Variants in TIMM17A observed in about 807,000 individuals in gnomAD.
TIMM17A encodes mitochondrial import inner membrane translocase subunit Tim17-A.
A neutral mutation model predicts 26.5 loss-of-function variants in TIMM17A; 15 were observed. The observed-to-expected ratio is 0.57, with a 90% CI of 0.38 to 0.87. The LOEUF (loss-of-function observed/expected upper bound fraction) is 0.87. Among genes scored for constraint, TIMM17A ranks in the 40% least tolerant of loss-of-function variants. The probability of loss-of-function intolerance (pLI) is 0.00; values close to 1 mark genes in which losing one functional copy is unlikely to be tolerated. For missense variants in TIMM17A, 201 were observed against 210.0 expected (o/e 0.96, Z 0.27); for synonymous variants, 80 against 70.8 (o/e 1.13, Z -0.66).
In TIMM17A at chr1:201,957,271, C is replaced by A. The variant is rs577624272; in HGVS notation, c.27-10C>A. The A allele has an allele frequency of 2.0e-4, 315 of 1,563,252 alleles. 4 individuals carry two copies. The South Asian group carries it at 3.5e-3, about 17-fold the overall frequency. ...GAGAAATATGGTCTTTTTTTTCCCCCTGTTCTTAGCCCATGGCGAATTGTG... is the reference window on the plus strand; with the variant it reads ...GAGAAATATGGTCTTTTTTTTCCCCATGTTCTTAGCCCATGGCGAATTGTG... On this transcript the variant is annotated splice_polypyrimidine_tract_variant and intron_variant, in intron 1 of 5. Transcript: ENST00000367287.
At chr1:201,957,634 A>G (rs1682440180) in intron 3 of TIMM17A, 60 bp downstream of exon 3, 2 of 1,388,372 alleles carry the variant, frequency 1.4e-6, no homozygotes, top group Admixed American at 1.9e-5. Flanking sequence ...AGATGGAGCT[A>G]TTTTTATTTT....
At chr1:201,967,587 G>A (rs1051667808) in intron 5 of TIMM17A, among the ~76,000 whole-genome samples, 6 of 147,468 alleles carry the variant, frequency 4.1e-5, no homozygotes, top group Non-Finnish European at 7.4e-5. Flanking sequence ...CTGTGACCCC[G>A]GCTGGAGTGC....
At chr1:201,968,665 C>T (rs1682680182) in intron 5 of TIMM17A, among the ~76,000 whole-genome samples, 1 of 152,140 alleles carries the variant, frequency 6.6e-6, no homozygotes, top group Non-Finnish European at 1.5e-5. Flanking sequence ...AGAGCCACCG[C>T]ACCCGGCCCC....
rs947401321 is a variant in TIMM17A, at chr1:201,963,454, G to A, written c.191-162G>A. ...CAATCCAGCTTTATTCGAAAGATAAGTATTCTAACTCTTGTTCGGTGTTTA... is the reference window on the plus strand; with the variant it reads ...CAATCCAGCTTTATTCGAAAGATAAATATTCTAACTCTTGTTCGGTGTTTA... On this transcript the variant is annotated intron_variant, in intron 3 of 5. Coordinates refer to ENST00000367287, the MANE Select transcript of TIMM17A (RefSeq NM_006335.3). The A allele has an allele frequency of 1.2e-5, 8 of 676,910 alleles. No individual in the cohort carries two copies. In the African/African-American group the frequency reaches 1.3e-4, roughly 11 times the overall value. 41.9% of individuals were successfully genotyped at this position (676,910 alleles called of 1,614,324 possible).
In TIMM17A at chr1:201,955,547, G is replaced by A. The variant is rs377072616; in HGVS notation, c.21G>A (p.Glu7=). 3.7e-6 allele frequency: 6 copies of A among 1,614,130 alleles called. No individual in the cohort carries two copies. Among genetic ancestry groups the A allele is most frequent in the South Asian group, 1.1e-5 (1 of 91,096 alleles). The change falls in exon 1 of 6, where the codon GAG becomes GAA. Residue 7 remains glutamate (E), a synonymous_variant. Coordinates refer to ENST00000367287, the MANE Select transcript of TIMM17A (RefSeq NM_006335.3). Reference sequence around the variant, plus strand: ...TCAAGATGGAGGAGTACGCGCGAGAGCCTTGGTGAGCTTCACCGCTGTCTT... The same window carrying A: ...TCAAGATGGAGGAGTACGCGCGAGAACCTTGGTGAGCTTCACCGCTGTCTT... MEEYAR[E]PCPWRIVDDC...
At chr1:201,961,211 G>C (rs1438169751) in intron 3 of TIMM17A, among the ~76,000 whole-genome samples, 2 of 151,968 alleles carry the variant, frequency 1.3e-5, no homozygotes, top group South Asian at 4.2e-4. Context: ...GATTACAGGC[G>C]CATGCCGCCA....
intron 4 of TIMM17A, 23 bp downstream of exon 4, chr1:201,963,767 C>G (rs1403521857): frequency 2.9e-5 from 45 of 1,570,378 alleles, no homozygotes; most frequent in Non-Finnish European, 3.9e-5. Flanking sequence ...TACAGACATA[C>G]TAGTAGAAGC....
At chr1:201,959,524 C>T (rs1196140373) in intron 3 of TIMM17A, among the ~76,000 whole-genome samples, 4 of 150,796 alleles carry the variant, frequency 2.7e-5, no homozygotes, top group South Asian at 4.2e-4. Context: ...CATGGTGGCA[C>T]GTGCCTGTAA....
In TIMM17A at chr1:201,957,496, T is replaced by TC. The variant is rs767605866; in HGVS notation, c.127-15_127-14insC. 1 of 1,587,624 alleles carries TC rather than the reference T, an allele frequency of 6.3e-7. No individual in the cohort carries two copies. ...TTCTAATATATTTTTTGTTGCTTCC[T>TC]TTTTTTTGTTATAGGGAGTAAACCA... On this transcript the variant is annotated splice_polypyrimidine_tract_variant and intron_variant, in intron 2 of 5. Transcript: ENST00000367287.
intron 5 of TIMM17A, among the ~76,000 whole-genome samples, chr1:201,967,833 A>G (rs1362619442): frequency 6.6e-6 from 1 of 152,026 alleles, no homozygotes; most frequent in Non-Finnish European, 1.5e-5. Flanking sequence ...CACCGTGCCC[A>G]GCTGGAATCT....
chr1:201,965,192 TGCCTGCCTCA>T (rs1418474446), intron 4 of TIMM17A, among the ~76,000 whole-genome samples: 4 of 151,988 alleles, frequency 2.6e-5, no homozygotes, highest in Non-Finnish European at 5.9e-5. Flanking sequence ...CCTCATGATC[TGCCTGCCTCA>T]GCCTCCCAAA....
At chr1:201,955,650 G>T (rs945144247) in intron 1 of TIMM17A, 98 bp downstream of exon 1, 10 of 1,543,598 alleles carry the variant, frequency 6.5e-6, no homozygotes, top group Non-Finnish European at 8.9e-6. Context: ...AGACTCAACC[G>T]CAGCCTCGTC....
chr1:201,967,323 ACT>A (rs1682651500), intron 5 of TIMM17A, among the ~76,000 whole-genome samples: 1 of 151,670 alleles, frequency 6.6e-6, no homozygotes, highest in African/African-American at 2.4e-5. Context: ...CTGAGTTAAC[ACT>A]CTGTAGTGAT....
intron 3 of TIMM17A, among the ~76,000 whole-genome samples, chr1:201,961,678 C>G (rs1474810943): frequency 6.6e-6 from 1 of 151,948 alleles, no homozygotes. Flanking sequence ...GAGAGAATGC[C>G]TCTCTACAAA....
chr1:201,967,383 C>T (rs1682652313), intron 5 of TIMM17A, among the ~76,000 whole-genome samples: 2 of 152,080 alleles, frequency 1.3e-5, no homozygotes, highest in African/African-American at 4.8e-5. Flanking sequence ...AAAGACTTTA[C>T]ATAAAACATC....
At chr1:201,958,875 T>C (rs1047521168) in intron 3 of TIMM17A, among the ~76,000 whole-genome samples, 1 of 152,234 alleles carries the variant, frequency 6.6e-6, no homozygotes, top group African/African-American at 2.4e-5. Context: ...TCTCCCATTT[T>C]CCAGATGAGG....
At chr1:201,961,141 C>G (rs113234174) in intron 3 of TIMM17A, among the ~76,000 whole-genome samples, 3,446 of 150,958 alleles carry the variant, frequency 0.023, 134 homozygotes, top group African/African-American at 0.079. Flanking sequence ...TCTCGGCTCA[C>G]GTCAACTTCC....
At chr1:201,956,549 C>T (rs1274144697) in intron 1 of TIMM17A, among the ~76,000 whole-genome samples, 1 of 152,212 alleles carries the variant, frequency 6.6e-6, no homozygotes, top group Non-Finnish European at 1.5e-5. Context: ...CAGTTATCCT[C>T]CATTCTGGAT....
Position 201,969,683 on chromosome 1 carries a change from T to C in TIMM17A, c.*129T>C, listed in dbSNP as rs1682697914. 1.2e-5 allele frequency: 8 copies of C among 667,572 alleles called. No homozygotes were observed. Among genetic ancestry groups the C allele is most frequent in the Non-Finnish European group, 2.0e-5 (8 of 393,872 alleles). 41.4% of individuals were successfully genotyped at this position (667,572 alleles called of 1,614,324 possible). A position where few individuals can be genotyped will look rare whatever the true frequency, so the allele number is the denominator to read the frequency against. Reference sequence around the variant, plus strand: ...TGGCCAATAGGCTATAAAGAGACATTTAGCACTTTTTTCTATTTAAAGGAA... The same window carrying C: ...TGGCCAATAGGCTATAAAGAGACATCTAGCACTTTTTTCTATTTAAAGGAA... On this transcript the variant is annotated 3_prime_UTR_variant, in exon 6 of 6. Coordinates refer to ENST00000367287, the MANE Select transcript of TIMM17A (RefSeq NM_006335.3).
Sources: gnomAD v4.1 joint callset for allele counts (sites outside exome capture counted in the v4.1 genomes callset) on GRCh38, gnomAD v4.1.1 for gene constraint, MANE v1.5 for transcripts, NCBI Gene and HGNC (gene_info 2026-07-23, HGNC 2026-07-21) for gene names.